Variants in POLL observed in about 807,000 individuals in gnomAD.
POLL encodes the protein DNA polymerase beta-2.
A neutral mutation model predicts 58.1 loss-of-function variants in POLL; 44 were observed. The ratio of observed to expected loss-of-function variants is 0.76; its 90% CI spans 0.60 to 0.97. The LOEUF is 0.97. POLL is among the 50% of genes least tolerant of loss of function. The probability of loss-of-function intolerance (pLI) is 0.00; values close to 1 mark genes in which losing one functional copy is unlikely to be tolerated. For synonymous variants in POLL, 290 were observed against 283.2 expected, an observed-to-expected ratio of 1.02 and a Z score of -0.24; for missense variants, 632 against 736.8, an observed-to-expected ratio of 0.86 and a Z score of 1.65.
At chr10:101,587,095 C>T (rs2063404344) in intron 2 of POLL, 151 bp downstream of exon 2, 11 of 1,573,982 alleles carry the variant, frequency 7.0e-6, no homozygotes, top group South Asian at 1.1e-5. Context: ...CAGGACCAAG[C>T]TTAGCACAAG....
chr10:101,581,818 T>C (rs1003627014), intron 7 of POLL: 1 of 152,142 alleles, frequency 6.6e-6, no homozygotes, highest in Non-Finnish European at 1.5e-5. Context: ...ATCTTTTTTT[T>C]TTTTTCAGAC....
Position 101,580,191 on chromosome 10 carries a change from G to T in POLL, c.1363+57C>A. On this transcript the variant is annotated intron_variant, in intron 8 of 8. Coordinates refer to ENST00000370162, the MANE Select transcript of POLL (RefSeq NM_001174084.2). The surrounding 1 kb of genome is among the most constrained non-coding windows in gnomAD (Gnocchi z 4.1). ...CTTCTGAGGTTCTCCCTCTGAGGGG[G>T]CCCCCAGACCTGTGCTGCCCTCTGT... 1.3e-6 allele frequency: 2 copies of T among 1,488,718 alleles called. No individual in the cohort carries two copies. Among genetic ancestry groups the T allele is most frequent in the Non-Finnish European group, 1.8e-6 (2 of 1,096,950 alleles). The allele number at this position is 1,488,718 out of a possible 1,614,324, so 92.2% of individuals were successfully genotyped here. A position where few individuals can be genotyped will look rare whatever the true frequency, so the allele number is the denominator to read the frequency against.
chr10:101,585,050 C>T, intron 4 of POLL, 131 bp from the exon 5 acceptor site: 2 of 688,312 alleles, frequency 2.9e-6, no homozygotes, highest in Non-Finnish European at 2.2e-6. Flanking sequence ...GCGGGGCCTT[C>T]TGCATCAGAC....
At position 101,580,572 on chromosome 10, in the gene POLL, C is replaced by T; in HGVS notation, c.1195-156G>A. The T allele has an allele frequency of 1.6e-6, 1 of 630,788 alleles. No homozygotes were observed. The highest frequency in any genetic ancestry group is 3.0e-5 in the Admixed American group (1 of 33,728). The allele number at this position is 630,788 out of a possible 1,614,324, so 39.1% of individuals were successfully genotyped here. A position where few individuals can be genotyped will look rare whatever the true frequency, so the allele number is the denominator to read the frequency against. ...CAGGGGAATCCACCCTGAGGAGCTG[C>T]TGTTCTTTCCCTTCGCTAGGACAGG... On this transcript the variant is annotated intron_variant, in intron 7 of 8. Coordinates refer to ENST00000370162, the MANE Select transcript of POLL (RefSeq NM_001174084.2). The surrounding 1 kb of genome is among the most constrained non-coding windows in gnomAD (Gnocchi z 4.1).
rs1219722146 is a variant in POLL at position 101,583,593 on chromosome 10, T to C, written c.980A>G (p.His327Arg). 9 of 1,614,048 alleles carry C rather than the reference T, an allele frequency of 5.6e-6. 1 individual carries two copies. In the South Asian group the frequency reaches 8.8e-5, roughly 16 times the overall value. Residue 327 changes from histidine to arginine, a missense_variant, in exon 6 of 9, where the codon CAT becomes CGT. Physicochemically the swap from His to Arg is conservative, Grantham distance 29. Transcript: ENST00000370162. Reference protein sequence around the residue: ...LESGHLRKLDHISESVPVLEL... With the variant: ...LESGHLRKLDRISESVPVLEL... ...CAAGACAGGCACGCTCTCACTGATA[T>C]GGTCCAGCTTCCGCAAATGCCCGCT...
Position 101,584,867 on chromosome 10 carries a change from G to C in POLL, c.626C>G (p.Ala209Gly), listed in dbSNP as rs1191665347. ...GCCACTGATGAGGGCTTCCAGATCA[G>C]CTGCACTAACCTGGGTTTCTTCCCC... ...SDGEETQVSA[A>G]DLEALISGHY... Residue 209 changes from alanine (A) to glycine (G), a missense_variant, in exon 5 of 9, where the codon GCT becomes GGT. Coordinates refer to ENST00000370162, the MANE Select transcript of POLL (RefSeq NM_001174084.2). The C allele has an allele frequency of 1.4e-6, 2 of 1,469,024 alleles. No individual in the cohort carries two copies. Among genetic ancestry groups the C allele is most frequent in the Non-Finnish European group, 1.8e-6 (2 of 1,104,320 alleles). The allele number at this position is 1,469,024 out of a possible 1,614,324, so 91.0% of individuals were successfully genotyped here.
At chr10:101,586,189 T>C in intron 2 of POLL, 33 bp from the exon 3 acceptor site, 1 of 1,514,806 alleles carries the variant, frequency 6.6e-7, no homozygotes, top group Non-Finnish European at 8.9e-7. Context: ...ACTACTGTTG[T>C]AACTTTTTAA....
At position 101,579,984 on chromosome 10, in the gene POLL, C is replaced by T; in HGVS notation, c.1364-167G>A. ...TTCTGTAAAACATGGATAGTAATTC[C>T]CATCTCCCCCATAGTGTCACAGAAA... On this transcript the variant is annotated intron_variant, in intron 8 of 8. Coordinates refer to ENST00000370162, the MANE Select transcript of POLL (RefSeq NM_001174084.2). This position sits in a 1 kb window ranked among gnomAD's most constrained non-coding sequence, Gnocchi z 4.4. The T allele has an allele frequency of 1.3e-6, 1 of 768,238 alleles. No individual in the cohort carries two copies. The highest frequency in any genetic ancestry group is 1.9e-5 in the South Asian group (1 of 53,768). 47.6% of individuals were successfully genotyped at this position (768,238 alleles called of 1,614,324 possible). A position where few individuals can be genotyped will look rare whatever the true frequency, so the allele number is the denominator to read the frequency against.
rs777370803 is a variant in POLL at position 101,579,075 on chromosome 10, T to C, written c.*378A>G. The stretch of plus-strand genomic sequence containing the variant: ...ACAGCACGGCTGCTTCCCTCTCCCC[T>C]GCAGCTTCTGTCCCCACCCAGCAGC... On this transcript the variant is annotated 3_prime_UTR_variant, in exon 9 of 9. Transcript: ENST00000370162. The surrounding 1 kb of genome is among the most constrained non-coding windows in gnomAD (Gnocchi z 4.4). 4.6e-5 allele frequency: 12 copies of C among 259,966 alleles called. No homozygotes were observed. Among genetic ancestry groups the C allele is most frequent in the Non-Finnish European group, 8.9e-5 (12 of 135,116 alleles). 16.1% of individuals were successfully genotyped at this position (259,966 alleles called of 1,614,324 possible).
chr10:101,582,807 G>A lies in POLL; in HGVS notation c.1150C>T (p.Leu384=). The A allele has an allele frequency of 6.2e-7, 1 of 1,614,236 alleles. No individual in the cohort carries two copies. Among genetic ancestry groups the A allele is most frequent in the Non-Finnish European group, 8.5e-7 (1 of 1,180,030 alleles). Residue 384 remains leucine (L), a synonymous_variant, in exon 7 of 9, where the codon CTG becomes TTG. Coordinates refer to ENST00000370162, the MANE Select transcript of POLL (RefSeq NM_001174084.2). Reference sequence around the variant, plus strand: ...GCCTCCTCCCTGGGCATACGTTCCAGGAAGTCACTGTAATGCTTCAGGCCG... The same window carrying A: ...GCCTCCTCCCTGGGCATACGTTCCAAGAAGTCACTGTAATGCTTCAGGCCG... ...AIGLKHYSDF[L]ERMPREEATE... is the part of the protein sequence containing the mutation.
intron 2 of POLL, among the ~76,000 whole-genome samples, 188 bp from the exon 3 acceptor site, chr10:101,586,344 C>CCCTT (rs2063333879): frequency 2.0e-5 from 3 of 152,226 alleles, no homozygotes; most frequent in Non-Finnish European, 4.4e-5. Context: ...CACAGGCCAG[C>CCCTT]ACTTGAATGT....
chr10:101,580,565 G>A lies in POLL; in HGVS notation c.1195-149C>T. The A allele has an allele frequency of 1.5e-6, 1 of 652,086 alleles. No individual in the cohort carries two copies. Among genetic ancestry groups the A allele is most frequent in the Non-Finnish European group, 2.6e-6 (1 of 381,138 alleles). 40.4% of individuals were successfully genotyped at this position (652,086 alleles called of 1,614,324 possible). On this transcript the variant is annotated intron_variant, in intron 7 of 8. Transcript: ENST00000370162. This position sits in a 1 kb window ranked among gnomAD's most constrained non-coding sequence, Gnocchi z 4.1. ...GCAAGCCCAGGGGAATCCACCCTGA[G>A]GAGCTGCTGTTCTTTCCCTTCGCTA...
intron 2 of POLL, 27 bp from the exon 3 acceptor site, chr10:101,586,183 C>G: frequency 1.3e-6 from 2 of 1,588,152 alleles, no homozygotes; most frequent in Non-Finnish European, 1.7e-6. Context: ...CAGATGACTA[C>G]TGTTGTAACT....
At chr10:101,581,690 C>A (rs1482018534) in intron 7 of POLL, 1 of 152,228 alleles carries the variant, frequency 6.6e-6, no homozygotes, top group Non-Finnish European at 1.5e-5. Context: ...TGAACCTAAT[C>A]GCTAACCCAA....
chr10:101,585,180 G>A (rs1589688657), intron 4 of POLL, 136 bp downstream of exon 4: 1 of 717,904 alleles, frequency 1.4e-6, no homozygotes, highest in South Asian at 2.3e-5. Flanking sequence ...TGAGTGTTGG[G>A]AAGAGCTAAA....
Position 101,588,161 on chromosome 10 carries a change from G to A in POLL, c.-386C>T, listed in dbSNP as rs1425513583. On this transcript the variant is annotated 5_prime_UTR_variant, in exon 1 of 9. Transcript: ENST00000370162. Reference sequence around the variant, plus strand: ...GGTCCCCGGGTGGGGTCGACTACTGGCCAAGCTAGTCACCCGGGGGTGGGC... The same window carrying A: ...GGTCCCCGGGTGGGGTCGACTACTGACCAAGCTAGTCACCCGGGGGTGGGC... 6.6e-7 allele frequency: 1 copy of A among 1,522,112 alleles called. No individual in the cohort carries two copies. Among genetic ancestry groups the A allele is most frequent in the Non-Finnish European group, 8.8e-7 (1 of 1,136,998 alleles). The allele number at this position is 1,522,112 out of a possible 1,614,324, so 94.3% of individuals were successfully genotyped here.
Position 101,579,541 on chromosome 10 carries a change from G to A in POLL, c.1640C>T (p.Pro547Leu), listed in dbSNP as rs1273870757. Residue 547 changes from proline (P) to leucine (L), a missense_variant, in exon 9 of 9, where the codon CCT (proline) becomes CTT (leucine). Physicochemically the swap from Pro to Leu is moderately conservative, Grantham distance 98 (BLOSUM62 -3). Transcript: ENST00000370162. This position sits in a 1 kb window ranked among gnomAD's most constrained non-coding sequence, Gnocchi z 4.4. ...VRNTHGCKVGPGRVLPTPTEK... is the reference protein window; with the variant it reads ...VRNTHGCKVGLGRVLPTPTEK... ...AGTGGGAGTGGGCAGCACTCGGCCA[G>A]GCCCCACCTTGCAGCCATGGGTGTT... 3.1e-6 allele frequency: 5 copies of A among 1,613,956 alleles called. No individual in the cohort carries two copies. The highest frequency in any genetic ancestry group is 4.2e-6 in the Non-Finnish European group (5 of 1,180,032).
chr10:101,580,344 C>T lies in POLL; in HGVS notation c.1267G>A (p.Ala423Thr). The change falls in exon 8 of 9, where the codon GCG becomes ACG. Residue 423 changes from alanine (A) to threonine (T), a missense_variant. By Grantham distance (58) the Ala-to-Thr change is moderately conservative. Coordinates refer to ENST00000370162, the MANE Select transcript of POLL (RefSeq NM_001174084.2). The surrounding 1 kb of genome is among the most constrained non-coding windows in gnomAD (Gnocchi z 4.1). ...VACGSYRRGK[A>T]TCGDVDVLIT... ...AGCACGTCGACATCACCACAGGTCGCCTTTCCCCGTCGGTATGAACCACAT... is the reference window on the plus strand; with the variant it reads ...AGCACGTCGACATCACCACAGGTCGTCTTTCCCCGTCGGTATGAACCACAT... 1 of 1,614,114 alleles carries T rather than the reference C, an allele frequency of 6.2e-7. No homozygotes were observed. Among genetic ancestry groups the T allele is most frequent in the Non-Finnish European group, 8.5e-7 (1 of 1,180,008 alleles).
chr10:101,584,830 G>A lies in POLL; in HGVS notation c.663C>T (p.Thr221=), dbSNP rs761546004. 28 of 1,553,304 alleles carry A rather than the reference G, an allele frequency of 1.8e-5. No individual in the cohort carries two copies. The Admixed American group carries it at 1.9e-4, about 10-fold the overall frequency. The change falls in exon 5 of 9, where the codon ACC becomes ACT. Residue 221 remains threonine (T), a synonymous_variant. Coordinates refer to ENST00000370162, the MANE Select transcript of POLL (RefSeq NM_001174084.2). ...TAGGCTCACAATCTCCCTCAAGGGA[G>A]GTGGGGTAGTGGCCACTGATGAGGG... ...LEALISGHYP[T]SLEGDCEPSP...
Sources: allele counts gnomAD v4.1 joint callset (sites outside exome capture counted in the v4.1 genomes callset), GRCh38; gene constraint gnomAD v4.1.1; non-coding constraint Gnocchi (gnomAD v3.1); transcripts MANE v1.5; gene names NCBI Gene and HGNC (gene_info 2026-07-23, HGNC 2026-07-21).